The following ITGB3BP variants were observed in gnomAD, a reference collection of about 807,000 sequenced individuals.
ITGB3BP encodes centromere protein R.
ITGB3BP carries 27 observed loss-of-function variants against 29.1 expected under a neutral mutation model. That is an observed-to-expected ratio of 0.93 (90% CI 0.68 to 1.28). The LOEUF (loss-of-function observed/expected upper bound fraction) is 1.28, where lower values mean the gene tolerates loss of function less well. Ranked by LOEUF, ITGB3BP falls within the 50% of genes most tolerant of loss-of-function variation. The pLI, the probability that ITGB3BP is intolerant of heterozygous loss-of-function variation, is 0.00. For synonymous variants in ITGB3BP, 61 were observed against 61.4 expected, an observed-to-expected ratio of 0.99 and a Z score of 0.03; for missense variants, 192 against 200.2, an observed-to-expected ratio of 0.96 and a Z score of 0.25.
At position 63,492,087 on chromosome 1, in the gene ITGB3BP, C is replaced by G. The variant is rs77902604; in HGVS notation, c.49-1869G>C. Reference sequence around the variant, plus strand: ...TATTTTCACCAAAAAATTATTTTATCCAATTGCCATATGTCTAAACATTTT... The same window carrying G: ...TATTTTCACCAAAAAATTATTTTATGCAATTGCCATATGTCTAAACATTTT... On this transcript the variant is annotated intron_variant, in intron 2 of 8. Coordinates refer to ENST00000271002, the MANE Select transcript of ITGB3BP (RefSeq NM_014288.5). 4.9e-3 allele frequency among the ~76,000 whole-genome samples: 738 copies of G among 152,110 alleles called. 4 individuals are homozygous for G. Among genetic ancestry groups the G allele is most frequent in the African/African-American group, 0.017 (698 of 41,492 alleles).
intron 3 of ITGB3BP, among the ~76,000 whole-genome samples, chr1:63,483,993 T>G (rs907954821): frequency 3.3e-5 from 5 of 152,142 alleles, no homozygotes; most frequent in Admixed American, 6.5e-5. Flanking sequence ...TCAGAAGGTA[T>G]CCCCATTGTT....
chr1:63,513,245 A>T (rs961546076), intron 1 of ITGB3BP, among the ~76,000 whole-genome samples: 1 of 152,208 alleles, frequency 6.6e-6, no homozygotes, highest in Non-Finnish European at 1.5e-5. Flanking sequence ...AAAGCCTTTC[A>T]GTTCTCCTTC....
chr1:63,496,603 G>A (rs1337113022), intron 2 of ITGB3BP, among the ~76,000 whole-genome samples: 1 of 152,112 alleles, frequency 6.6e-6, no homozygotes, highest in Non-Finnish European at 1.5e-5. Context: ...AGCTGCTCCA[G>A]GTCTGCAAAG....
chr1:63,504,179 T>C (rs1240050097), intron 2 of ITGB3BP, among the ~76,000 whole-genome samples: 1 of 151,898 alleles, frequency 6.6e-6, no homozygotes, highest in African/African-American at 2.4e-5. Flanking sequence ...TGTATCCTCT[T>C]TTATTTCATT....
chr1:63,467,538 T>TTGAC (rs1180089930), intron 4 of ITGB3BP, among the ~76,000 whole-genome samples: 1 of 151,452 alleles, frequency 6.6e-6, no homozygotes, highest in Non-Finnish European at 1.5e-5. Context: ...GATTGATTGA[T>TTGAC]TGATTGATTG....
At chr1:63,507,285 T>G (rs1014875970) in intron 2 of ITGB3BP, among the ~76,000 whole-genome samples, 3 of 152,194 alleles carry the variant, frequency 2.0e-5, no homozygotes, top group African/African-American at 7.2e-5. Flanking sequence ...GGTACAGAAC[T>G]GGGCCAAACA....
At chr1:63,510,295 G>A in intron 1 of ITGB3BP, 3 of 393,128 alleles carry the variant, frequency 7.6e-6, no homozygotes, top group Non-Finnish European at 1.4e-5. Flanking sequence ...GTATCTTTTA[G>A]AAGGAGACAT....
At chr1:63,492,577 C>T (rs185203844) in intron 2 of ITGB3BP, among the ~76,000 whole-genome samples, 106 of 152,200 alleles carry the variant, frequency 7.0e-4, no homozygotes, top group African/African-American at 2.5e-3. Flanking sequence ...TTGGCCTACT[C>T]ATTAGTCTCC....
rs889971348 is a variant in ITGB3BP, at chr1:63,488,043, C to T, written c.184+2040G>A. Among the ~76,000 whole-genome samples the T allele has an allele frequency of 2.0e-5, 3 of 152,072 alleles. No homozygotes were observed. The South Asian group carries it at 6.2e-4, about 31-fold the overall frequency. Reference sequence around the variant, plus strand: ...TAAACTAAAGAGTTGAAACAAATCCCATGTTTGGCCAATGTAGAATCTAAG... The same window carrying T: ...TAAACTAAAGAGTTGAAACAAATCCTATGTTTGGCCAATGTAGAATCTAAG... On this transcript the variant is annotated intron_variant, in intron 3 of 8. Transcript: ENST00000271002.
At chr1:63,504,653 A>G (rs1328596765) in intron 2 of ITGB3BP, among the ~76,000 whole-genome samples, 1 of 152,192 alleles carries the variant, frequency 6.6e-6, no homozygotes, top group East Asian at 1.9e-4. Context: ...TGGGTTTGTC[A>G]TAGATAGCTC....
intron 2 of ITGB3BP, among the ~76,000 whole-genome samples, chr1:63,503,642 T>G (rs1645996521): frequency 6.6e-6 from 1 of 152,220 alleles, no homozygotes; most frequent in Admixed American, 6.5e-5. Context: ...TTTTATGGTT[T>G]TAGGTCTAAC....
intron 2 of ITGB3BP, among the ~76,000 whole-genome samples, chr1:63,501,565 C>A (rs186972813): frequency 6.6e-6 from 1 of 151,960 alleles, no homozygotes; most frequent in Non-Finnish European, 1.5e-5. Context: ...AATAATCTGA[C>A]TTAGAAGTGT....
intron 2 of ITGB3BP, among the ~76,000 whole-genome samples, chr1:63,506,168 T>C (rs1197503105): frequency 6.6e-6 from 1 of 152,232 alleles, no homozygotes; most frequent in East Asian, 1.9e-4. Flanking sequence ...TCTAGGTCTC[T>C]AAGGACTTGC....
At chr1:63,482,658 T>G (rs909630676) in intron 3 of ITGB3BP, among the ~76,000 whole-genome samples, 1 of 150,508 alleles carries the variant, frequency 6.6e-6, no homozygotes. Context: ...AATTTTTTTT[T>G]TTTTTTTTTT....
intron 4 of ITGB3BP, among the ~76,000 whole-genome samples, chr1:63,473,480 T>G (rs1645252257): frequency 8.0e-6 from 1 of 124,682 alleles, no homozygotes; most frequent in African/African-American, 3.0e-5. Flanking sequence ...GGTGGGGGGG[T>G]CAGCCCCCCG....
chr1:63,493,088 A>ACACACACACACACGCG (rs372348238), intron 2 of ITGB3BP, among the ~76,000 whole-genome samples: 2 of 148,848 alleles, frequency 1.3e-5, no homozygotes, highest in African/African-American at 5.1e-5. Context: ...ACACACACAC[A>ACACACACACACACGCG]CGCGCGCGCG....
intron 4 of ITGB3BP, among the ~76,000 whole-genome samples, chr1:63,462,195 T>C (rs1159801459): frequency 6.6e-6 from 1 of 152,238 alleles, no homozygotes; most frequent in Admixed American, 6.5e-5. Context: ...GTTTTTTACC[T>C]CTTTAGTTAA....
chr1:63,502,409 A>C (rs1301381377), intron 2 of ITGB3BP, among the ~76,000 whole-genome samples: 1 of 152,092 alleles, frequency 6.6e-6, no homozygotes, highest in Non-Finnish European at 1.5e-5. Context: ...CATGCTGCTG[A>C]TAAAGACATA....
intron 1 of ITGB3BP, among the ~76,000 whole-genome samples, chr1:63,512,219 TAGAG>T (rs2100791358): frequency 6.6e-6 from 1 of 152,238 alleles, no homozygotes; most frequent in African/African-American, 2.4e-5. Context: ...TGCAATTTTA[TAGAG>T]AGAGTAACTA....
Sources: gnomAD v4.1 joint callset for allele counts (sites outside exome capture counted in the v4.1 genomes callset) on GRCh38, gnomAD v4.1.1 for gene constraint, MANE v1.5 for transcripts, NCBI Gene and HGNC (gene_info 2026-07-23, HGNC 2026-07-21) for gene names.